The following CNTN6 variants were observed in gnomAD, a reference collection of about 807,000 sequenced individuals.
CNTN6 encodes the protein contactin 6, also known as contactin-6.
CNTN6 carries 137 observed loss-of-function variants against 122.8 expected under a neutral mutation model. The observed-to-expected ratio is 1.12, with a 90% CI of 0.97 to 1.29. The LOEUF is 1.29. CNTN6 is among the 50% of genes most tolerant of loss of function. The pLI is 0.00. For missense variants in CNTN6, 1,634 were observed against 1,223.4 expected (o/e 1.34, Z -5.01); for synonymous variants, 570 against 426.0 (o/e 1.34, Z -4.16).
At chr3:1,153,322 G>A (rs576341681) in intron 2 of CNTN6, among the ~76,000 whole-genome samples, 111 of 152,154 alleles carry the variant, frequency 7.3e-4, no homozygotes, top group Non-Finnish European at 1.3e-3. Context: ...ATGCCAACAG[G>A]GCCTAATGAG....
chr3:1,391,732 A>G (rs1278532623), intron 20 of CNTN6, among the ~76,000 whole-genome samples: 14 of 147,988 alleles, frequency 9.5e-5, no homozygotes, highest in African/African-American at 3.5e-4. Context: ...TCAATGTACA[A>G]AAATCACAAG....
intron 22 of CNTN6, among the ~76,000 whole-genome samples, chr3:1,403,048 A>T (rs1298616863): frequency 1.3e-5 from 2 of 152,136 alleles, no homozygotes; most frequent in African/African-American, 2.4e-5. Flanking sequence ...GATTGAGTGC[A>T]AGTCATTAGC....
At chr3:1,358,241 T>C (rs1347700871) in intron 12 of CNTN6, among the ~76,000 whole-genome samples, 1 of 152,006 alleles carries the variant, frequency 6.6e-6, no homozygotes, top group Non-Finnish European at 1.5e-5. Context: ...TGTATGTATA[T>C]ATAAATCTCA....
chr3:1,143,201 A>G (rs1165311195), intron 1 of CNTN6, among the ~76,000 whole-genome samples: 5 of 151,932 alleles, frequency 3.3e-5, no homozygotes, highest in Non-Finnish European at 7.4e-5. Flanking sequence ...ACTTTCAGAG[A>G]TTCTTTTTAA....
At chr3:1,130,876 C>T (rs978923533) in intron 1 of CNTN6, among the ~76,000 whole-genome samples, 3 of 152,120 alleles carry the variant, frequency 2.0e-5, no homozygotes, top group Non-Finnish European at 4.4e-5. Context: ...TGGAATTCAA[C>T]TAAGTGTTGC....
At chr3:1,176,682 T>G (rs1264954825) in intron 2 of CNTN6, among the ~76,000 whole-genome samples, 1 of 152,240 alleles carries the variant, frequency 6.6e-6, no homozygotes, top group African/African-American at 2.4e-5. Flanking sequence ...ACAACTTTAG[T>G]TGAACTATGT....
chr3:1,309,459 G>A (rs1011334802), intron 7 of CNTN6, among the ~76,000 whole-genome samples: 2 of 152,052 alleles, frequency 1.3e-5, no homozygotes, highest in African/African-American at 2.4e-5. Flanking sequence ...GTCTATTACC[G>A]GGATCTCTTT....
At chr3:1,262,741 C>A (rs2094866882) in intron 4 of CNTN6, among the ~76,000 whole-genome samples, 1 of 151,938 alleles carries the variant, frequency 6.6e-6, no homozygotes, top group South Asian at 2.1e-4. Flanking sequence ...AGTTCAGTGA[C>A]CTTTTGGCAA....
intron 1 of CNTN6, among the ~76,000 whole-genome samples, chr3:1,102,548 G>A (rs1574843606): frequency 6.6e-6 from 1 of 150,752 alleles, no homozygotes; most frequent in Non-Finnish European, 1.5e-5. Context: ...GGCTAACACG[G>A]TGAAACCCCG....
chr3:1,221,881 A>T (rs1193539260), intron 3 of CNTN6, among the ~76,000 whole-genome samples: 3 of 152,304 alleles, frequency 2.0e-5, no homozygotes, highest in Non-Finnish European at 4.4e-5. Flanking sequence ...CACAAAGAGT[A>T]ACAACTTCAG....
intron 11 of CNTN6, among the ~76,000 whole-genome samples, chr3:1,347,433 C>T (rs17038032): frequency 0.15 from 22,337 of 151,968 alleles, 1,738 homozygotes; most frequent in South Asian, 0.16. Flanking sequence ...AGAGAAATGG[C>T]GTTATCACTA....
At chr3:1,320,752 A>G (rs1700731292) in intron 7 of CNTN6, among the ~76,000 whole-genome samples, 2 of 151,766 alleles carry the variant, frequency 1.3e-5, no homozygotes, top group Non-Finnish European at 3.0e-5. Flanking sequence ...TCCTTCTGGA[A>G]CTTTGCTTGC....
At chr3:1,148,086 GT>G in intron 2 of CNTN6, 23 bp downstream of exon 2, 1 of 1,572,936 alleles carries the variant, frequency 6.4e-7, no homozygotes, top group Non-Finnish European at 8.7e-7. Flanking sequence ...ATTATTATAA[GT>G]TTTGATTGAT....
At chr3:1,093,324 G>T (rs1219140023) in intron 1 of CNTN6, among the ~76,000 whole-genome samples, 1 of 152,168 alleles carries the variant, frequency 6.6e-6, no homozygotes, top group Non-Finnish European at 1.5e-5. Context: ...TGGGAGAAAT[G>T]TATTGAATCT....
chr3:1,137,473 A>G (rs1387778653), intron 1 of CNTN6, among the ~76,000 whole-genome samples: 2 of 152,178 alleles, frequency 1.3e-5, no homozygotes, highest in Non-Finnish European at 2.9e-5. Context: ...GATTTTTAGC[A>G]TCCTGTTCCT....
chr3:1,223,774 T>C (rs1368239077), intron 3 of CNTN6, among the ~76,000 whole-genome samples: 2 of 152,240 alleles, frequency 1.3e-5, no homozygotes, highest in African/African-American at 2.4e-5. Context: ...TTTAGTCTAC[T>C]CTACCCTAGT....
chr3:1,182,277 A>G (rs926553441), intron 2 of CNTN6, among the ~76,000 whole-genome samples: 1 of 152,178 alleles, frequency 6.6e-6, no homozygotes, highest in African/African-American at 2.4e-5. Flanking sequence ...TTTCCCCACT[A>G]GAACTGGAAT....
At chr3:1,253,182 T>C (rs2094698324) in intron 4 of CNTN6, among the ~76,000 whole-genome samples, 2 of 152,200 alleles carry the variant, frequency 1.3e-5, no homozygotes, top group Admixed American at 6.5e-5. Flanking sequence ...TATATTTCAT[T>C]AGCTTCAGTC....
chr3:1,216,594 T>C (rs1846464), intron 2 of CNTN6, among the ~76,000 whole-genome samples: 111,621 of 152,092 alleles, frequency 0.73, 42,516 homozygotes, highest in African/African-American at 0.93. Flanking sequence ...CTAAAATATA[T>C]GACATAGCAT....
Sources: allele counts gnomAD v4.1 joint callset (sites outside exome capture counted in the v4.1 genomes callset), GRCh38; gene constraint gnomAD v4.1.1; transcripts MANE v1.5; gene names NCBI Gene and HGNC (gene_info 2026-07-23, HGNC 2026-07-21).